Variants in ZNF280D observed in about 807,000 individuals in gnomAD.
The protein encoded by ZNF280D is suppressor of hairy wing homolog 4.
ZNF280D carries 39 observed loss-of-function variants against 94.7 expected under a neutral mutation model. That is an observed-to-expected ratio of 0.41 (90% CI 0.32 to 0.54). ZNF280D has a LOEUF of 0.54. Among genes scored for constraint, ZNF280D ranks in the 20% least tolerant of loss-of-function variants. The pLI is 0.22. For synonymous variants in ZNF280D, 398 were observed against 377.6 expected (o/e 1.05, Z -0.63); for missense variants, 1,090 against 1,149.3 (o/e 0.95, Z 0.75).
At chr15:56,707,895 T>C (rs2057511436) in intron 1 of ZNF280D, among the ~76,000 whole-genome samples, 1 of 151,790 alleles carries the variant, frequency 6.6e-6, no homozygotes, top group African/African-American at 2.4e-5. Flanking sequence ...GTTTACAATC[T>C]AGTATGTCAA....
At chr15:56,700,726 A>G in intron 6 of ZNF280D, 1 of 1,460,616 alleles carries the variant, frequency 6.8e-7, no homozygotes, top group African/African-American at 1.4e-5. Context: ...ACTGCCTGTT[A>G]TTAACAGGTT....
intron 13 of ZNF280D, among the ~76,000 whole-genome samples, chr15:56,673,012 T>C (rs564644266): frequency 1.4e-4 from 21 of 151,938 alleles, no homozygotes; most frequent in African/African-American, 4.3e-4. Context: ...AATTCACTTA[T>C]ATGTGCTCAA....
chr15:56,714,051 T>TG (rs1170275853), intron 1 of ZNF280D, among the ~76,000 whole-genome samples: 2 of 152,234 alleles, frequency 1.3e-5, no homozygotes, highest in Non-Finnish European at 2.9e-5. Context: ...ACTATATTTT[T>TG]TATTTACAAC....
chr15:56,631,391 CTTACA>C lies in ZNF280D; in HGVS notation c.*102_*106del. On this transcript the variant is annotated 3_prime_UTR_variant, in exon 22 of 22. Coordinates refer to ENST00000267807, the MANE Select transcript of ZNF280D (RefSeq NM_017661.4). ...CAGGTAAAGTGTATGTGTGACCTCC[CTTACA>C]TATTTCCATTTCTGAACCTACAACA... 1.7e-6 allele frequency: 2 copies of C among 1,207,374 alleles called. No homozygotes were observed. Among genetic ancestry groups the C allele is most frequent in the Non-Finnish European group, 2.3e-6 (2 of 851,754 alleles). 74.8% of individuals were successfully genotyped at this position (1,207,374 alleles called of 1,614,324 possible).
chr15:56,647,396 C>T (rs1293813366), intron 19 of ZNF280D, among the ~76,000 whole-genome samples: 1 of 152,104 alleles, frequency 6.6e-6, no homozygotes, highest in African/African-American at 2.4e-5. Context: ...AGAAAGCATT[C>T]TTTGAGGGAA....
chr15:56,669,939 T>TA (rs2054664099), intron 13 of ZNF280D, among the ~76,000 whole-genome samples: 2 of 4,326 alleles, frequency 4.6e-4, no homozygotes, highest in Admixed American at 4.3e-3. Flanking sequence ...ATATATATTA[T>TA]ATATATATAT....
Position 56,714,803 on chromosome 15 carries a change from T to C in ZNF280D, c.-85-7497A>G, listed in dbSNP as rs189598664. On this transcript the variant is annotated intron_variant, in intron 1 of 21. Transcript: ENST00000267807. Reference sequence around the variant, plus strand: ...CAAGTTAGTGAGCTCAGTCAAGACTTTGAAAGGACAATAAAATACTTGATA... The same window carrying C: ...CAAGTTAGTGAGCTCAGTCAAGACTCTGAAAGGACAATAAAATACTTGATA... 1.1e-3 allele frequency among the ~76,000 whole-genome samples: 171 copies of C among 152,276 alleles called. 2 individuals carry two copies. The highest frequency in any genetic ancestry group is 4.0e-3 in the African/African-American group (167 of 41,556).
chr15:56,716,351 ATAAT>A (rs1245805017), intron 1 of ZNF280D, among the ~76,000 whole-genome samples: 1 of 152,118 alleles, frequency 6.6e-6, no homozygotes, highest in Admixed American at 6.6e-5. Flanking sequence ...AAGAAAAGTG[ATAAT>A]TAAGTTGTTA....
intron 6 of ZNF280D, chr15:56,700,681 T>C (rs370467791): frequency 4.3e-6 from 6 of 1,409,628 alleles, no homozygotes; most frequent in Non-Finnish European, 5.5e-6. Context: ...CACATTTTGA[T>C]AGTATAGTTT....
chr15:56,631,452 C>A lies in ZNF280D; in HGVS notation c.*46G>T. On this transcript the variant is annotated 3_prime_UTR_variant, in exon 22 of 22. Coordinates refer to ENST00000267807, the MANE Select transcript of ZNF280D (RefSeq NM_017661.4). ...ACTGAGCTCACCTGATAGCACTGTT[C>A]CAAATGCCCTTATCGTTGGTACACT... The A allele has an allele frequency of 2.5e-6, 4 of 1,588,262 alleles. No individual in the cohort carries two copies. Among genetic ancestry groups the A allele is most frequent in the African/African-American group, 2.7e-5 (2 of 74,586 alleles).
intron 1 of ZNF280D, among the ~76,000 whole-genome samples, chr15:56,723,074 A>G (rs1345164299): frequency 1.9e-5 from 2 of 103,296 alleles, no homozygotes; most frequent in African/African-American, 7.7e-5. Flanking sequence ...TCTGGGGACT[A>G]TTGTGGGGTG....
intron 13 of ZNF280D, among the ~76,000 whole-genome samples, chr15:56,676,356 T>A (rs919334685): frequency 1.3e-5 from 2 of 152,286 alleles, no homozygotes; most frequent in African/African-American, 2.4e-5. Flanking sequence ...ATCATTCTCA[T>A]ATCTACCTTT....
At chr15:56,687,317 G>T (rs1282881131) in intron 9 of ZNF280D, among the ~76,000 whole-genome samples, 4 of 151,986 alleles carry the variant, frequency 2.6e-5, no homozygotes, top group Admixed American at 2.6e-4. Context: ...AGTTCTGGTT[G>T]TTTCTACTGT....
At chr15:56,695,711 A>G (rs795041) in intron 6 of ZNF280D, among the ~76,000 whole-genome samples, 151,429 of 151,868 alleles carry the variant, frequency 1, 75,497 homozygotes, top group Middle Eastern at 1. Flanking sequence ...CGTATTTTTA[A>G]TAGAGACAGG....
chr15:56,664,233 CAAAAG>C (rs1194060796), intron 16 of ZNF280D, among the ~76,000 whole-genome samples: 1 of 151,994 alleles, frequency 6.6e-6, no homozygotes, highest in African/African-American at 2.4e-5. Flanking sequence ...GGGCAATACT[CAAAAG>C]GTAAAGAAAT....
chr15:56,682,532 C>T (rs2055698502), intron 9 of ZNF280D, 55 bp from the exon 10 acceptor site: 1 of 1,165,782 alleles, frequency 8.6e-7, no homozygotes, highest in Non-Finnish European at 1.2e-6. Context: ...TTAAAAAAAC[C>T]ACATACCAAA....
In ZNF280D at chr15:56,710,136, C is replaced by T. The variant is rs1313169817; in HGVS notation, c.-85-2830G>A. On this transcript the variant is annotated intron_variant, in intron 1 of 21. Coordinates refer to ENST00000267807, the MANE Select transcript of ZNF280D (RefSeq NM_017661.4). ...AGCCCGAAAAGGACGGGCGCGGCGG[C>T]TCACGCCTGTAATCCCAACACTTTG... Among the ~76,000 whole-genome samples, 4 of 152,214 alleles carry T rather than the reference C, an allele frequency of 2.6e-5. No homozygotes were observed. The East Asian group carries it at 7.7e-4, about 29-fold the overall frequency.
At chr15:56,668,277 T>C (rs1350692038) in intron 14 of ZNF280D, 3 of 389,552 alleles carry the variant, frequency 7.7e-6, no homozygotes, top group Admixed American at 3.4e-5. Context: ...CAGATGTACA[T>C]AAGGCAAAAA....
intron 4 of ZNF280D, 101 bp from the exon 5 acceptor site, chr15:56,701,339 A>G: frequency 1.2e-6 from 1 of 831,040 alleles, no homozygotes; most frequent in East Asian, 2.7e-5. Context: ...GATTTATGGA[A>G]GGAGTATATA....
Sources: gnomAD v4.1 joint callset for allele counts (sites outside exome capture counted in the v4.1 genomes callset) on GRCh38, gnomAD v4.1.1 for gene constraint, MANE v1.5 for transcripts, NCBI Gene and HGNC (gene_info 2026-07-23, HGNC 2026-07-21) for gene names.